The following DPP6 variants were observed in gnomAD, a reference collection of about 807,000 sequenced individuals.
The protein encoded by DPP6 is dipeptidyl peptidase like 6.
Under a neutral mutation model 122.6 loss-of-function variants are expected in DPP6, and 69 were observed. The observed-to-expected ratio is 0.56, with a 90% CI of 0.46 to 0.69. DPP6 has a LOEUF of 0.69. Ranked by LOEUF, DPP6 falls within the 30% of genes least tolerant of loss-of-function variation. The pLI is 0.00. For synonymous variants in DPP6, 418 were observed against 433.1 expected (o/e 0.97, Z 0.43); for missense variants, 928 against 1,116.9 (o/e 0.83, Z 2.41).
At chr7:153,899,876 G>A (rs1312053678) in intron 1 of DPP6, among the ~76,000 whole-genome samples, 1 of 152,136 alleles carries the variant, frequency 6.6e-6, no homozygotes, top group Non-Finnish European at 1.5e-5. Context: ...AGAGTTGAAG[G>A]CTATTATCTA....
the DPP6 span, among the ~76,000 whole-genome samples, chr7:153,798,032 C>T: frequency 0.01 from 1,539 of 152,054 alleles, 14 homozygotes; most frequent in Non-Finnish European, 0.016. Context: ...TTGGTAGAGA[C>T]GGGGTTTCAC....
intron 1 of DPP6, among the ~76,000 whole-genome samples, chr7:154,352,507 T>C (rs1810950792): frequency 2.0e-5 from 3 of 151,932 alleles, no homozygotes; most frequent in Admixed American, 2.0e-4. Flanking sequence ...AAATTAAAAA[T>C]TTGTCCTTAA....
chr7:154,543,155 T>A (rs1828867777), intron 4 of DPP6, among the ~76,000 whole-genome samples: 1 of 152,196 alleles, frequency 6.6e-6, no homozygotes, highest in Admixed American at 6.5e-5. Context: ...CTCATTTGAA[T>A]TCCAGAAGCT....
intron 1 of DPP6, among the ~76,000 whole-genome samples, chr7:154,327,107 G>C (rs1344781383): frequency 6.6e-6 from 1 of 152,042 alleles, no homozygotes; most frequent in African/African-American, 2.4e-5. Flanking sequence ...CAGGTCATTT[G>C]GGGGGTCTGA....
At chr7:154,387,554 C>T (rs1356931875) in intron 1 of DPP6, among the ~76,000 whole-genome samples, 33 of 152,204 alleles carry the variant, frequency 2.2e-4, no homozygotes, top group Non-Finnish European at 4.4e-5. Flanking sequence ...GTGATCCACC[C>T]AGACTCTCAT....
intron 1 of DPP6, among the ~76,000 whole-genome samples, chr7:154,379,332 G>A (rs1813394710): frequency 6.6e-6 from 1 of 151,988 alleles, no homozygotes; most frequent in South Asian, 2.1e-4. Context: ...CACAGGGCAG[G>A]GAACATCACA....
At chr7:154,362,064 C>A (rs532761207) in intron 1 of DPP6, among the ~76,000 whole-genome samples, 2 of 152,232 alleles carry the variant, frequency 1.3e-5, no homozygotes, top group Non-Finnish European at 2.9e-5. Flanking sequence ...CTGTGACCAA[C>A]ATTGTTGAGG....
intron 3 of DPP6, among the ~76,000 whole-genome samples, chr7:154,524,880 T>C (rs1350867131): frequency 6.6e-6 from 1 of 152,182 alleles, no homozygotes; most frequent in African/African-American, 2.4e-5. Context: ...GGTCTTTGCT[T>C]TCTGGCCAGT....
At chr7:154,492,712 TAA>T (rs1824386667) in intron 3 of DPP6, among the ~76,000 whole-genome samples, 1 of 152,176 alleles carries the variant, frequency 6.6e-6, no homozygotes. Flanking sequence ...GCTAGTGTCA[TAA>T]GAGAGCAGAT....
At chr7:154,330,207 CAT>C (rs1283757533) in intron 1 of DPP6, among the ~76,000 whole-genome samples, 2 of 152,268 alleles carry the variant, frequency 1.3e-5, no homozygotes, top group South Asian at 2.1e-4. Flanking sequence ...AATTTTTAAA[CAT>C]GTGGCTGGTG....
At chr7:153,966,375 C>G (rs39173) in intron 1 of DPP6, among the ~76,000 whole-genome samples, 107,357 of 146,074 alleles carry the variant, frequency 0.73, 39,783 homozygotes, top group Middle Eastern at 0.8. Context: ...CGCATCCTCA[C>G]CCTTGCAGGG....
At chr7:154,105,113 T>G (rs1806057465) in intron 1 of DPP6, among the ~76,000 whole-genome samples, 1 of 152,114 alleles carries the variant, frequency 6.6e-6, no homozygotes, top group African/African-American at 2.4e-5. Flanking sequence ...GGTGATAGAG[T>G]GAGACTCTGT....
In DPP6 at chr7:154,844,798, C is replaced by T. The variant is rs577337693; in HGVS notation, c.1667-8982C>T. Among the ~76,000 whole-genome samples the T allele has an allele frequency of 1.4e-4, 22 of 152,336 alleles. No homozygotes were observed. The South Asian group carries it at 4.6e-3, about 32-fold the overall frequency. ...ATTATACAGAGGAGCTGTTTTTCAA[C>T]TTTTGTTTAGTGGCCTCCTTAAATG... On this transcript the variant is annotated intron_variant, in intron 16 of 25. Coordinates refer to ENST00000377770, the MANE Select transcript of DPP6 (RefSeq NM_130797.4).
At chr7:154,779,990 C>G (rs1796926931) in intron 10 of DPP6, among the ~76,000 whole-genome samples, 1 of 152,200 alleles carries the variant, frequency 6.6e-6, no homozygotes, top group Non-Finnish European at 1.5e-5. Flanking sequence ...GTAGTCCTAT[C>G]TCTGTTTTCA....
At chr7:154,444,206 C>T (rs991622581) in intron 1 of DPP6, among the ~76,000 whole-genome samples, 1 of 152,056 alleles carries the variant, frequency 6.6e-6, no homozygotes, top group East Asian at 1.9e-4. Flanking sequence ...GCCTGTAATC[C>T]CAGCACTTTG....
intron 5 of DPP6, among the ~76,000 whole-genome samples, chr7:154,630,977 C>A (rs965094792): frequency 6.6e-6 from 1 of 151,990 alleles, no homozygotes; most frequent in African/African-American, 2.4e-5. Context: ...AAAAATTTCA[C>A]CTAAAAAAAA....
chr7:154,305,354 A>G (rs1004878228), intron 1 of DPP6: 29 of 54,804 alleles, frequency 5.3e-4, no homozygotes, highest in Non-Finnish European at 7.3e-4. Context: ...TCCCTCCCCC[A>G]TCCTCCCCAA....
intron 1 of DPP6, among the ~76,000 whole-genome samples, chr7:154,407,852 T>C (rs573110401): frequency 6.6e-6 from 1 of 152,314 alleles, no homozygotes; most frequent in African/African-American, 2.4e-5. Context: ...CTGATTTTCT[T>C]AGATTGGAGA....
intron 1 of DPP6, among the ~76,000 whole-genome samples, chr7:154,249,434 C>T (rs1280844231): frequency 6.6e-6 from 1 of 152,194 alleles, no homozygotes; most frequent in African/African-American, 2.4e-5. Flanking sequence ...AAAAGATTAC[C>T]TGACAACTGC....
Sources: gnomAD v4.1 joint callset for allele counts (sites outside exome capture counted in the v4.1 genomes callset) on GRCh38, gnomAD v4.1.1 for gene constraint, MANE v1.5 for transcripts, NCBI Gene and HGNC (gene_info 2026-07-23, HGNC 2026-07-21) for gene names.